Variants in TMEM256 observed in about 807,000 individuals in gnomAD.
TMEM256 encodes transmembrane protein 256.
Under a neutral mutation model 14.8 loss-of-function variants are expected in TMEM256, and 14 were observed. The ratio of observed to expected loss-of-function variants is 0.95; its 90% CI spans 0.63 to 1.48. The LOEUF is 1.48. Among genes scored for constraint, TMEM256 ranks in the 40% most tolerant of loss-of-function variants. The probability of loss-of-function intolerance (pLI) is 0.00; values close to 1 mark genes in which losing one functional copy is unlikely to be tolerated. For synonymous variants in TMEM256, 68 were observed against 60.7 expected (o/e 1.12, Z -0.56); for missense variants, 146 against 137.9 (o/e 1.06, Z -0.30).
chr17:7,403,896 G>A, intron 1 of TMEM256, 104 bp downstream of exon 1: 1 of 1,369,156 alleles, frequency 7.3e-7, no homozygotes. Flanking sequence ...TCCGCGGACT[G>A]TCTGATAAAC....
intron 1 of TMEM256, 89 bp from the exon 2 acceptor site, chr17:7,403,778 A>AGGGGGGGGGGGGGGGGG: frequency 7.5e-7 from 1 of 1,340,666 alleles, no homozygotes; most frequent in East Asian, 2.7e-5. Flanking sequence ...ATTGGCGAGA[A>AGGGGGGGGGGGGGGGGG]AGGGCACCCC....
intron 1 of TMEM256, 25 bp from the exon 2 acceptor site, chr17:7,403,714 A>G (rs759726097): frequency 6.2e-7 from 1 of 1,612,188 alleles, no homozygotes; most frequent in South Asian, 1.1e-5. Context: ...AGCAAAGGTT[A>G]GCGGTCCTAG....
rs200234028 is a variant in TMEM256 at position 7,403,051 on chromosome 17, T to C, written c.*15A>G. The C allele has an allele frequency of 1.6e-5, 25 of 1,577,352 alleles. No homozygotes were observed. In the African/African-American group the frequency reaches 3.3e-4, roughly 21 times the overall value. On this transcript the variant is annotated 3_prime_UTR_variant, in exon 4 of 4. Transcript: ENST00000302422. ...AAAACTGCCCAGAAAACCCAGTAATTAAGCAAAAGGGAGCTCAAAGAGCCA... is the reference window on the plus strand; with the variant it reads ...AAAACTGCCCAGAAAACCCAGTAATCAAGCAAAAGGGAGCTCAAAGAGCCA...
At position 7,403,257 on chromosome 17, in the gene TMEM256, G is replaced by C. The variant is rs755342042; in HGVS notation, c.199-48C>G. The C allele has an allele frequency of 3.1e-6, 5 of 1,614,220 alleles. No individual in the cohort carries two copies. In the South Asian group the frequency reaches 5.5e-5, roughly 18 times the overall value. On this transcript the variant is annotated intron_variant, in intron 3 of 3. Transcript: ENST00000302422. Reference sequence around the variant, plus strand: ...AACAGGATTGTTAAGAACAGGGCAGGCTGAGAGGGAGTGTGTGGGGCTTGG... The same window carrying C: ...AACAGGATTGTTAAGAACAGGGCAGCCTGAGAGGGAGTGTGTGGGGCTTGG...
chr17:7,403,156 G>A lies in TMEM256; in HGVS notation c.252C>T (p.Tyr84=), dbSNP rs1236572313. The A allele has an allele frequency of 6.2e-7, 1 of 1,614,204 alleles. No homozygotes were observed. Among genetic ancestry groups the A allele is most frequent in the East Asian group, 2.2e-5 (1 of 44,890 alleles). The change falls in exon 4 of 4, where the codon TAC becomes TAT. Residue 84 remains tyrosine, a synonymous_variant. Transcript: ENST00000302422. The part of the protein sequence containing the change: ...GTTLFCTSFY[Y]QALSGDPSIQ... ...TGCTGGGGTCTCCACTCAGAGCCTGGTAGTAAAAGCTGGTGCAGAATAAGG... is the reference window on the plus strand; with the variant it reads ...TGCTGGGGTCTCCACTCAGAGCCTGATAGTAAAAGCTGGTGCAGAATAAGG...
In TMEM256 at chr17:7,403,784, A is replaced by ACCCCCCC. The variant is rs56134360; in HGVS notation, c.86-102_86-96dup. 3.1e-4 allele frequency: 319 copies of ACCCCCCC among 1,030,756 alleles called. 1 individual carries two copies. Among genetic ancestry groups the ACCCCCCC allele is most frequent in the African/African-American group, 1.5e-3 (64 of 43,616 alleles). The allele number at this position is 1,030,756 out of a possible 1,614,324, so 63.9% of individuals were successfully genotyped here. ...CAGGTGGACATTGGCGAGAAAGGGC[A>ACCCCCCC]CCCCCCCCCCCGCCCCAGGAAGCTT... On this transcript the variant is annotated intron_variant, in intron 1 of 3. Transcript: ENST00000302422.
Position 7,402,982 on chromosome 17 carries a change from GCCTTT to G in TMEM256, c.*79_*83del. 6.6e-7 allele frequency: 1 copy of G among 1,513,242 alleles called. No homozygotes were observed. Among genetic ancestry groups the G allele is most frequent in the South Asian group, 1.3e-5 (1 of 76,368 alleles). 93.7% of individuals were successfully genotyped at this position (1,513,242 alleles called of 1,614,324 possible). A position where few individuals can be genotyped will look rare whatever the true frequency, so the allele number is the denominator to read the frequency against. On this transcript the variant is annotated 3_prime_UTR_variant, in exon 4 of 4. Coordinates refer to ENST00000302422, the MANE Select transcript of TMEM256 (RefSeq NM_152766.5). ...TGAACAAAGACTCCAAAGTTTATTTGCCTTTCCTTTTTAATCCTCTTCTTACTCCA... is the reference window on the plus strand; with the variant it reads ...TGAACAAAGACTCCAAAGTTTATTTGCCTTTTTAATCCTCTTCTTACTCCA...
Position 7,403,862 on chromosome 17 carries a change from G to T in TMEM256, c.85+138C>A, listed in dbSNP as rs1418546409. 26 of 1,291,684 alleles carry T rather than the reference G, an allele frequency of 2.0e-5. No homozygotes were observed. In the South Asian group the frequency reaches 3.4e-4, roughly 17 times the overall value. 80.0% of individuals were successfully genotyped at this position (1,291,684 alleles called of 1,614,324 possible). The stretch of plus-strand genomic sequence containing the variant: ...TACTGGGAACCAATTGGACCCAGCT[G>T]GGGGACTTTAAAAGGTTTAGGGCTC... On this transcript the variant is annotated intron_variant, in intron 1 of 3. Transcript: ENST00000302422.
rs375318145 is a variant in TMEM256 at position 7,403,121 on chromosome 17, A to G, written c.287T>C (p.Leu96Ser). 2.5e-6 allele frequency: 4 copies of G among 1,614,094 alleles called. No individual in the cohort carries two copies. The African/African-American group carries it at 5.3e-5, about 22-fold the overall frequency. The change falls in exon 4 of 4, where the codon TTG becomes TCG. Residue 96 changes from leucine (L) to serine (S), a missense_variant. Physicochemically the swap from Leu to Ser is moderately radical, Grantham distance 145. Coordinates refer to ENST00000302422, the MANE Select transcript of TMEM256 (RefSeq NM_152766.5). Reference protein sequence around the residue: ...ALSGDPSIQTLAPAGGTLLLL... With the variant: ...ALSGDPSIQTSAPAGGTLLLL... ...TAGCAGGGTCCCTCCCGCAGGGGCC[A>G]AAGTCTGGATGCTGGGGTCTCCACT...
Position 7,403,107 on chromosome 17 carries a change from C to T in TMEM256, c.301G>A (p.Gly101Arg). ...AGCCAGCCCAAGAGTAGCAGGGTCC[C>T]TCCCGCAGGGGCCAAAGTCTGGATG... ...PSIQTLAPAGGTLLLLGWLAL... is the reference protein window; with the variant it reads ...PSIQTLAPAGRTLLLLGWLAL... The change falls in exon 4 of 4, where the codon GGG (glycine) becomes AGG (arginine). Residue 101 changes from glycine to arginine, a missense_variant. Coordinates refer to ENST00000302422, the MANE Select transcript of TMEM256 (RefSeq NM_152766.5). The T allele has an allele frequency of 6.2e-7, 1 of 1,614,144 alleles. No individual in the cohort carries two copies. Among genetic ancestry groups the T allele is most frequent in the Non-Finnish European group, 8.5e-7 (1 of 1,180,036 alleles).
intron 1 of TMEM256, 25 bp downstream of exon 1, chr17:7,403,975 C>G (rs1313818535): frequency 1.9e-6 from 3 of 1,555,604 alleles, no homozygotes; most frequent in Non-Finnish European, 1.7e-6. Flanking sequence ...AAGTACAGTC[C>G]CATCTTCGTC....
rs201225689 is a variant in TMEM256 at position 7,403,336 on chromosome 17, C to A, written c.172G>T (p.Val58Leu). Reference sequence around the variant, plus strand: ...CAGAGTGGCTTTCTGCAATGGGGCACCCCTAACAGGGCCAGGCTGTGTAAG... The same window carrying A: ...CAGAGTGGCTTTCTGCAATGGGGCAACCCTAACAGGGCCAGGCTGTGTAAG... ...HFLHSLALLG[V>L]PHCRKPLWAG... Residue 58 changes from valine (V) to leucine (L), a missense_variant, in exon 3 of 4, where the codon GTG becomes TTG. By Grantham distance (32) the Val-to-Leu change is conservative. Coordinates refer to ENST00000302422, the MANE Select transcript of TMEM256 (RefSeq NM_152766.5). The A allele has an allele frequency of 4.3e-6, 7 of 1,614,060 alleles. No individual in the cohort carries two copies. The highest frequency in any genetic ancestry group is 5.1e-6 in the Non-Finnish European group (6 of 1,180,026).
chr17:7,403,898 C>T (rs1277856577), intron 1 of TMEM256, 102 bp downstream of exon 1: 1 of 1,379,406 alleles, frequency 7.2e-7, no homozygotes, highest in Non-Finnish European at 9.8e-7. Context: ...CGCGGACTGT[C>T]TGATAAACGA....
Position 7,403,313 on chromosome 17 carries a change from G to A in TMEM256, c.195C>T (p.Leu65=). The A allele has an allele frequency of 1.2e-6, 2 of 1,614,240 alleles. No homozygotes were observed. The highest frequency in any genetic ancestry group is 1.7e-6 in the Non-Finnish European group (2 of 1,180,040). The part of the protein sequence containing the change: ...LLGVPHCRKP[L]WAGLLLASGT... ...GTTAGGCGCAGGGAAAGATTACCCA[G>A]AGTGGCTTTCTGCAATGGGGCACCC... The change falls in exon 3 of 4, where the codon CTC becomes CTT. Residue 65 remains leucine, a synonymous_variant. Coordinates refer to ENST00000302422, the MANE Select transcript of TMEM256 (RefSeq NM_152766.5).
chr17:7,403,784 A>ACCCCCCCCCCCCCCCCCCCCC (rs56134360), intron 1 of TMEM256, 95 bp from the exon 2 acceptor site: 1 of 897,218 alleles, frequency 1.1e-6, no homozygotes, highest in African/African-American at 2.4e-5. Context: ...GAGAAAGGGC[A>ACCCCCCCCCCCCCCCCCCCCC]CCCCCCCCCC....
In TMEM256 at chr17:7,403,175, A is replaced by G. The variant is rs942874850; in HGVS notation, c.233T>C (p.Phe78Ser). ...GLLLASGTTL[F>S]CTSFYYQALS... ...AGCCTGGTAGTAAAAGCTGGTGCAG[A>G]ATAAGGTCGTTCCGGAAGCTAGCAA... Residue 78 changes from phenylalanine to serine, a missense_variant, in exon 4 of 4, where the codon TTC (phenylalanine) becomes TCC (serine). By Grantham distance (155) the Phe-to-Ser change is radical. Transcript: ENST00000302422. 6.2e-7 allele frequency: 1 copy of G among 1,614,154 alleles called. No individual in the cohort carries two copies. The highest frequency in any genetic ancestry group is 1.3e-5 in the African/African-American group (1 of 75,032).
chr17:7,403,574 C>CAA, intron 2 of TMEM256, 84 bp downstream of exon 2: 37 of 1,487,036 alleles, frequency 2.5e-5, no homozygotes, highest in Non-Finnish European at 3.3e-5. Flanking sequence ...GCCCCACCCT[C>CAA]TCCCCGCCCA....
chr17:7,403,793 C>CCCA (rs1906454901), intron 1 of TMEM256, 104 bp from the exon 2 acceptor site: 1 of 1,061,330 alleles, frequency 9.4e-7, no homozygotes, highest in Non-Finnish European at 1.3e-6. Flanking sequence ...CACCCCCCCC[C>CCCA]CCGCCCCAGG....
intron 1 of TMEM256, 121 bp from the exon 2 acceptor site, chr17:7,403,810 C>T: frequency 9.2e-7 from 1 of 1,081,546 alleles, no homozygotes; most frequent in East Asian, 4.6e-5. Flanking sequence ...CAGGAAGCTT[C>T]CGATTGGTGG....
Sources: allele counts gnomAD v4.1 joint callset, GRCh38; gene constraint gnomAD v4.1.1; transcripts MANE v1.5; gene names NCBI Gene and HGNC (gene_info 2026-07-23, HGNC 2026-07-21).